The following DLGAP2 variants were observed in gnomAD, a reference collection of about 807,000 sequenced individuals.
The protein encoded by DLGAP2 is disks large-associated protein 2.
DLGAP2 carries 26 observed loss-of-function variants against 100.3 expected under a neutral mutation model. The observed-to-expected ratio is 0.26, with a 90% CI of 0.19 to 0.36. The LOEUF (loss-of-function observed/expected upper bound fraction) is 0.36. DLGAP2 is among the 10% of genes least tolerant of loss of function. DLGAP2 has a pLI of 1.00. For synonymous variants in DLGAP2, 886 were observed against 630.1 expected, an observed-to-expected ratio of 1.41 and a Z score of -6.08; for missense variants, 1,858 against 1,453.2, an observed-to-expected ratio of 1.28 and a Z score of -4.53.
chr8:982,110 C>A (rs1800353573), intron 2 of DLGAP2, among the ~76,000 whole-genome samples: 1 of 152,206 alleles, frequency 6.6e-6, no homozygotes, highest in Non-Finnish European at 1.5e-5. Flanking sequence ...TTCAGCCTCC[C>A]AAGGGGCCTG....
At chr8:1,127,058 G>A (rs1796182687) in intron 2 of DLGAP2, among the ~76,000 whole-genome samples, 1 of 145,460 alleles carries the variant, frequency 6.9e-6, no homozygotes, top group Non-Finnish European at 1.5e-5. Flanking sequence ...CCATCTGCTT[G>A]TGTTCCTGGA....
At chr8:1,281,801 C>T (rs1799818940) in intron 3 of DLGAP2, among the ~76,000 whole-genome samples, 1 of 152,198 alleles carries the variant, frequency 6.6e-6, no homozygotes, top group South Asian at 2.1e-4. Context: ...GACGCGGTCC[C>T]ACCCCACCAG....
chr8:836,494 C>T (rs1271205767), intron 1 of DLGAP2, among the ~76,000 whole-genome samples: 3 of 152,210 alleles, frequency 2.0e-5, no homozygotes, highest in Non-Finnish European at 4.4e-5. Context: ...CTCCTGAGAT[C>T]TCCTGGCAAG....
intron 1 of DLGAP2, among the ~76,000 whole-genome samples, chr8:846,705 C>T (rs538945155): frequency 6.6e-5 from 10 of 152,098 alleles, no homozygotes. Context: ...TTTTAGGAAC[C>T]TTGATACTGT....
intron 2 of DLGAP2, among the ~76,000 whole-genome samples, chr8:1,067,512 A>G (rs752212179): frequency 5.7e-4 from 87 of 152,206 alleles, no homozygotes; most frequent in Non-Finnish European, 7.4e-4. Context: ...GCCGTCCTCC[A>G]CACGGGGCTA....
chr8:1,268,817 C>G (rs777852535), intron 3 of DLGAP2, among the ~76,000 whole-genome samples: 1 of 152,220 alleles, frequency 6.6e-6, no homozygotes, highest in Non-Finnish European at 1.5e-5. Context: ...GTTCTGGGGT[C>G]TCACTCTGAC....
intron 1 of DLGAP2, among the ~76,000 whole-genome samples, chr8:883,039 C>T (rs1315015995): frequency 6.6e-6 from 1 of 152,262 alleles, no homozygotes; most frequent in African/African-American, 2.4e-5. Flanking sequence ...ACACAATCTT[C>T]CTGGGTCCCG....
chr8:1,373,362 A>G (rs1201065569), intron 3 of DLGAP2, among the ~76,000 whole-genome samples: 3 of 151,900 alleles, frequency 2.0e-5, no homozygotes, highest in African/African-American at 7.2e-5. Flanking sequence ...CCGTGGCCGC[A>G]GGTTGGGCAG....
At chr8:1,291,908 A>G (rs552594459) in intron 3 of DLGAP2, among the ~76,000 whole-genome samples, 2 of 152,272 alleles carry the variant, frequency 1.3e-5, no homozygotes, top group African/African-American at 4.8e-5. Flanking sequence ...ACTTTTGACT[A>G]TTACAAAATG....
chr8:866,908 C>T (rs1433797249), intron 1 of DLGAP2, among the ~76,000 whole-genome samples: 1 of 152,146 alleles, frequency 6.6e-6, no homozygotes, highest in African/African-American at 2.4e-5. Flanking sequence ...GCCACGTTCC[C>T]AGGGAAGCCA....
intron 4 of DLGAP2, among the ~76,000 whole-genome samples, chr8:1,539,214 A>G (rs75510282): frequency 6.6e-6 from 1 of 152,096 alleles, no homozygotes; most frequent in East Asian, 1.9e-4. Flanking sequence ...GTTTGTTTTC[A>G]TAACTAACAG....
intron 2 of DLGAP2, among the ~76,000 whole-genome samples, chr8:1,013,660 A>G (rs1584975392): frequency 8.1e-6 from 1 of 123,106 alleles, no homozygotes; most frequent in African/African-American, 3.9e-5. Context: ...ACCAGGACAG[A>G]CGCCTCCACT....
intron 2 of DLGAP2, among the ~76,000 whole-genome samples, chr8:1,039,060 C>T (rs1025802340): frequency 2.0e-5 from 3 of 152,224 alleles, no homozygotes; most frequent in African/African-American, 7.2e-5. Context: ...GCCCCACTTT[C>T]CTCCTTTATA....
chr8:1,210,112 C>T (rs1481353594), intron 2 of DLGAP2, among the ~76,000 whole-genome samples: 1 of 152,070 alleles, frequency 6.6e-6, no homozygotes, highest in Non-Finnish European at 1.5e-5. Context: ...GGTGCTGGGC[C>T]TTGATTGGTG....
chr8:1,670,567 G>C (rs913160763), intron 10 of DLGAP2, among the ~76,000 whole-genome samples: 7 of 152,242 alleles, frequency 4.6e-5, no homozygotes, highest in African/African-American at 1.7e-4. Flanking sequence ...GGCACATAGG[G>C]AGTGCTCAGT....
rs188102195 is a variant in DLGAP2, at chr8:1,053,513, C to A, written c.73+145547C>A. Among the ~76,000 whole-genome samples, 906 of 152,140 alleles carry A rather than the reference C, an allele frequency of 6.0e-3. 8 individuals are homozygous for A. Among genetic ancestry groups the A allele is most frequent in the Non-Finnish European group, 9.2e-3 (627 of 68,020 alleles). The stretch of plus-strand genomic sequence containing the variant: ...GTCTCCGAGGCCAGGGGTTTTGAAA[C>A]CTGGGAAGTGAAATGTGTGCATGCA... On this transcript the variant is annotated intron_variant, in intron 2 of 14. Coordinates refer to ENST00000637795, the MANE Select transcript of DLGAP2 (RefSeq NM_001346810.2).
intron 3 of DLGAP2, among the ~76,000 whole-genome samples, chr8:1,422,286 C>A (rs764495125): frequency 5.9e-5 from 9 of 152,098 alleles, no homozygotes; most frequent in African/African-American, 2.2e-4. Context: ...AGAAAAATGT[C>A]ATTCTAGTTT....
intron 3 of DLGAP2, among the ~76,000 whole-genome samples, chr8:1,318,838 G>A (rs757562516): frequency 8.1e-6 from 1 of 123,746 alleles, no homozygotes; most frequent in Non-Finnish European, 1.6e-5. Context: ...AACAGCTGCC[G>A]GAATGGTCTT....
intron 2 of DLGAP2, among the ~76,000 whole-genome samples, chr8:1,219,866 C>CT (rs777120331): frequency 1.6e-3 from 246 of 151,034 alleles, no homozygotes; most frequent in African/African-American, 5.6e-3. Flanking sequence ...GGAATTTATT[C>CT]TTTTTTTTTC....
Sources: allele counts gnomAD v4.1 joint callset (sites outside exome capture counted in the v4.1 genomes callset), GRCh38; gene constraint gnomAD v4.1.1; transcripts MANE v1.5; gene names NCBI Gene and HGNC (gene_info 2026-07-23, HGNC 2026-07-21).